Variants in PPP1R12A observed in about 807,000 individuals in gnomAD.
The protein encoded by PPP1R12A is myosin binding subunit.
A neutral mutation model predicts 139.6 loss-of-function variants in PPP1R12A; 19 were observed. That is an observed-to-expected ratio of 0.14 (90% CI 0.09 to 0.20). The LOEUF (loss-of-function observed/expected upper bound fraction) is 0.20. Ranked by LOEUF, PPP1R12A falls within the 10% of genes least tolerant of loss-of-function variation. PPP1R12A has a pLI of 1.00. For missense variants in PPP1R12A, 925 were observed against 1,211.5 expected, an observed-to-expected ratio of 0.76 and a Z score of 3.51; for synonymous variants, 427 against 420.6, an observed-to-expected ratio of 1.02 and a Z score of -0.19.
rs779377716 is a variant in PPP1R12A at position 79,821,102 on chromosome 12, T to C, written c.932A>G (p.Asn311Ser). ...LIESTANMDN[N>S]QSQKTFKNKE... is the part of the protein sequence containing the mutation. ...CTTTTTAAAGGTCTTCTGTGACTGA[T>C]TATTGTCCATATTTGCTGTTGATTC... Residue 311 changes from asparagine to serine, a missense_variant, in exon 7 of 25, where the codon AAT becomes AGT. By Grantham distance (46) the Asn-to-Ser change is conservative. Around this residue, in one of 4 missense-constraint regions of PPP1R12A, gnomAD observed 403 missense variants for 463.7 expected, o/e 0.87. Transcript: ENST00000450142. 1.2e-6 allele frequency: 2 copies of C among 1,612,708 alleles called. No individual in the cohort carries two copies. The highest frequency in any genetic ancestry group is 4.5e-5 in the East Asian group (2 of 44,822).
chr12:79,816,336 A>C, intron 9 of PPP1R12A, among the ~76,000 whole-genome samples: 1 of 152,178 alleles, frequency 6.6e-6, no homozygotes, highest in East Asian at 1.9e-4. Flanking sequence ...ATAGCCTTGT[A>C]CTAGGAGATA....
chr12:79,872,462 C>A (rs1882675316), intron 2 of PPP1R12A, among the ~76,000 whole-genome samples: 6 of 151,914 alleles, frequency 3.9e-5, no homozygotes, highest in Admixed American at 3.9e-4. Context: ...ACCCAGTTGC[C>A]AAATTTATGA....
chr12:79,780,807 C>G (rs1430893521), intron 23 of PPP1R12A: 3 of 152,050 alleles, frequency 2.0e-5, no homozygotes, highest in Admixed American at 6.6e-5. Flanking sequence ...AAACATGACT[C>G]AGAACACTAA....
At chr12:79,851,167 T>C (rs1284318634) in intron 2 of PPP1R12A, among the ~76,000 whole-genome samples, 1 of 152,208 alleles carries the variant, frequency 6.6e-6, no homozygotes. Flanking sequence ...AAAGCCATCC[T>C]AGGAGAAATT....
chr12:79,796,689 C>T, intron 17 of PPP1R12A, 93 bp downstream of exon 17: 1 of 1,010,178 alleles, frequency 9.9e-7, no homozygotes, highest in Non-Finnish European at 1.4e-6. Context: ...AGTTAGGATG[C>T]TGTTCCTTTA....
chr12:79,791,739 T>C (rs1439284876), intron 19 of PPP1R12A, among the ~76,000 whole-genome samples: 2 of 152,238 alleles, frequency 1.3e-5, no homozygotes, highest in Admixed American at 6.5e-5. Context: ...TATATTCATA[T>C]TGTTGTGCAA....
chr12:79,795,577 T>G (rs1238188189), intron 18 of PPP1R12A, 61 bp downstream of exon 18: 32 of 1,480,998 alleles, frequency 2.2e-5, no homozygotes, highest in Middle Eastern at 1.8e-4. Context: ...TATGTATTTT[T>G]GGACACATTA....
At chr12:79,892,570 A>G (rs1391617597) in intron 1 of PPP1R12A, among the ~76,000 whole-genome samples, 5 of 152,154 alleles carry the variant, frequency 3.3e-5, no homozygotes, top group African/African-American at 1.2e-4. Context: ...TCATTCATTC[A>G]ATCATTTTCT....
intron 1 of PPP1R12A, among the ~76,000 whole-genome samples, chr12:79,882,093 ATGT>A (rs1883690337): frequency 6.6e-6 from 1 of 152,234 alleles, no homozygotes; most frequent in Non-Finnish European, 1.5e-5. Flanking sequence ...TACAGGATTA[ATGT>A]TGTTTTCATG....
At chr12:79,841,464 T>C (rs1356779223) in intron 3 of PPP1R12A, among the ~76,000 whole-genome samples, 1 of 152,224 alleles carries the variant, frequency 6.6e-6, no homozygotes, top group South Asian at 2.1e-4. Flanking sequence ...AGGATTGTCT[T>C]GCTTTTTTTA....
chr12:79,788,454 CA>C lies in PPP1R12A; in HGVS notation c.2802+193del. The C allele has an allele frequency of 5.8e-6, 3 of 520,626 alleles. No homozygotes were observed. In the South Asian group the frequency reaches 9.6e-5, roughly 17 times the overall value. The allele number at this position is 520,626 out of a possible 1,614,324, so 32.3% of individuals were successfully genotyped here. A position where few individuals can be genotyped will look rare whatever the true frequency, so the allele number is the denominator to read the frequency against. On this transcript the variant is annotated intron_variant, in intron 21 of 24. Transcript: ENST00000450142. ...GACTTGAGATACTTAAATGTAAAAT[CA>C]TCTTGGATGACTTTCTCTTCCCTTT... is the stretch of plus-strand genomic sequence containing the variant.
At chr12:79,844,731 C>A (rs1483739023) in intron 3 of PPP1R12A, among the ~76,000 whole-genome samples, 1 of 152,182 alleles carries the variant, frequency 6.6e-6, no homozygotes. Context: ...AAGCCAAAGT[C>A]TTCCCAATGG....
chr12:79,877,512 C>T (rs983968573), intron 1 of PPP1R12A, among the ~76,000 whole-genome samples: 2 of 152,084 alleles, frequency 1.3e-5, no homozygotes, highest in African/African-American at 4.8e-5. Context: ...AGAAATCATA[C>T]TGATTAAATT....
intron 1 of PPP1R12A, among the ~76,000 whole-genome samples, chr12:79,882,008 G>GA (rs1223923231): frequency 6.6e-6 from 1 of 152,052 alleles, no homozygotes; most frequent in Non-Finnish European, 1.5e-5. Context: ...CTATTGCTCA[G>GA]AAAAAAAGAT....
intron 18 of PPP1R12A, 70 bp from the exon 19 acceptor site, chr12:79,793,998 T>C: frequency 1.7e-6 from 2 of 1,155,200 alleles, no homozygotes; most frequent in East Asian, 5.4e-5. Context: ...TTTTTAAAAT[T>C]ATTTTTGGGA....
chr12:79,807,412 T>A, intron 11 of PPP1R12A, 82 bp from the exon 12 acceptor site: 1 of 849,832 alleles, frequency 1.2e-6, no homozygotes, highest in Non-Finnish European at 1.8e-6. Flanking sequence ...AATATTAGTA[T>A]AAGCTGAAAC....
chr12:79,902,803 C>T (rs904001427), intron 1 of PPP1R12A, among the ~76,000 whole-genome samples: 2 of 152,042 alleles, frequency 1.3e-5, no homozygotes, highest in African/African-American at 4.8e-5. Context: ...TTTTTGAGCA[C>T]CAACATGATG....
chr12:79,821,217 T>G, intron 6 of PPP1R12A, 51 bp from the exon 7 acceptor site: 1 of 1,264,848 alleles, frequency 7.9e-7, no homozygotes, highest in Middle Eastern at 2.1e-4. Flanking sequence ...AAGATACTAT[T>G]ACTAAGATGC....
intron 3 of PPP1R12A, among the ~76,000 whole-genome samples, chr12:79,835,837 G>A (rs1462034468): frequency 6.6e-6 from 1 of 152,072 alleles, no homozygotes; most frequent in Admixed American, 6.6e-5. Flanking sequence ...AGGTCCCCAA[G>A]TACATCATGG....
Sources: gnomAD v4.1 joint callset for allele counts (sites outside exome capture counted in the v4.1 genomes callset) on GRCh38, gnomAD v4.1.1 for gene constraint, gnomAD v4.1.1 regional missense constraint, MANE v1.5 for transcripts, NCBI Gene and HGNC (gene_info 2026-07-23, HGNC 2026-07-21) for gene names.